CFAP77: variants seen among roughly 807,000 people sequenced by gnomAD.
CFAP77 encodes cilia- and flagella-associated protein 77.
Under a neutral mutation model 31.1 loss-of-function variants are expected in CFAP77, and 25 were observed. The ratio of observed to expected loss-of-function variants is 0.80; its 90% CI spans 0.59 to 1.12. The LOEUF (loss-of-function observed/expected upper bound fraction) is 1.12. Ranked by LOEUF, CFAP77 falls within the 50% of genes most tolerant of loss-of-function variation. The probability of loss-of-function intolerance (pLI) is 0.00; values close to 1 mark genes in which losing one functional copy is unlikely to be tolerated. For synonymous variants in CFAP77, 151 were observed against 159.9 expected, an observed-to-expected ratio of 0.94 and a Z score of 0.42; for missense variants, 377 against 397.3, an observed-to-expected ratio of 0.95 and a Z score of 0.44.
intron 1 of CFAP77, among the ~76,000 whole-genome samples, chr9:132,413,774 G>T (rs968942270): frequency 5.3e-5 from 8 of 152,144 alleles, no homozygotes; most frequent in African/African-American, 1.9e-4. Context: ...TATGTACGGG[G>T]GTGGAATTTA....
rs541053265 is a variant in CFAP77, at chr9:132,517,235, C to T, written c.524+17635C>T. ...CCTCAGAGGCCACCATCCGCCCCTC[C>T]GTCCCTTCTCAGCTGCGAGGGTGCC... is the stretch of plus-strand genomic sequence containing the variant. On this transcript the variant is annotated intron_variant, in intron 3 of 5. Transcript: ENST00000393216. This position sits in a 1 kb window ranked among gnomAD's most constrained non-coding sequence, Gnocchi z 4.7. 4.1e-4 allele frequency among the ~76,000 whole-genome samples: 63 copies of T among 152,290 alleles called. No individual in the cohort carries two copies. Among genetic ancestry groups the T allele is most frequent in the African/African-American group, 1.3e-3 (54 of 41,558 alleles).
intron 3 of CFAP77, among the ~76,000 whole-genome samples, chr9:132,500,149 C>T (rs1208376046): frequency 1.4e-5 from 2 of 140,028 alleles, no homozygotes; most frequent in African/African-American, 2.8e-5. Flanking sequence ...GAGACCCTGT[C>T]TCCAAAAAAA....
chr9:132,491,822 C>T (rs922141664), intron 1 of CFAP77, among the ~76,000 whole-genome samples: 8 of 152,018 alleles, frequency 5.3e-5, no homozygotes, highest in African/African-American at 1.7e-4. Flanking sequence ...CAGACTGTGC[C>T]GTAGGAACTG....
chr9:132,569,640 G>A (rs953221917), intron 5 of CFAP77, among the ~76,000 whole-genome samples: 1 of 151,724 alleles, frequency 6.6e-6, no homozygotes, highest in African/African-American at 2.4e-5. Flanking sequence ...GGTGCCTCAG[G>A]TCCAAGCCGG....
In CFAP77 at chr9:132,498,703, C is replaced by G. The variant is rs372413633; in HGVS notation, c.204C>G (p.Leu68=). The part of the protein sequence containing the change: ...FQNPLIVKAE[L]GKPRERSYSL... The stretch of plus-strand genomic sequence containing the variant: ...TGTCCTTCCCCCGACAGGCTGAACT[C>G]GGCAAGCCCCGGGAAAGAAGCTACA... Residue 68 remains leucine, a synonymous_variant, in exon 2 of 6, where the codon CTC becomes CTG. Transcript: ENST00000393216. This position sits in a 1 kb window ranked among gnomAD's most constrained non-coding sequence, Gnocchi z 4.2. 9.3e-6 allele frequency: 15 copies of G among 1,610,620 alleles called. No homozygotes were observed. The highest frequency in any genetic ancestry group is 1.1e-5 in the Non-Finnish European group (13 of 1,178,230).
intron 4 of CFAP77, among the ~76,000 whole-genome samples, chr9:132,540,378 C>T (rs1274111861): frequency 6.6e-6 from 1 of 152,192 alleles, no homozygotes; most frequent in Admixed American, 6.5e-5. Flanking sequence ...ACCAGCTCTG[C>T]ATGTGTGGCT....
chr9:132,498,721 A>C lies in CFAP77; in HGVS notation c.222A>C (p.Arg74Ser), dbSNP rs759805373. 1.9e-6 allele frequency: 3 copies of C among 1,612,504 alleles called. No homozygotes were observed. Among genetic ancestry groups the C allele is most frequent in the East Asian group, 2.2e-5 (1 of 44,876 alleles). The change falls in exon 2 of 6, where the codon AGA becomes AGC. Residue 74 changes from arginine (R) to serine (S), a missense_variant. Physicochemically the swap from Arg to Ser is moderately radical, Grantham distance 110. Coordinates refer to ENST00000393216, the MANE Select transcript of CFAP77 (RefSeq NM_001282957.2). The surrounding 1 kb of genome is among the most constrained non-coding windows in gnomAD (Gnocchi z 4.2). Reference sequence around the variant, plus strand: ...CTGAACTCGGCAAGCCCCGGGAAAGAAGCTACAGTCTGCCCGGCATTAATT... The same window carrying C: ...CTGAACTCGGCAAGCCCCGGGAAAGCAGCTACAGTCTGCCCGGCATTAATT... The part of the protein sequence containing the change: ...VKAELGKPRE[R>S]SYSLPGINFN...
At chr9:132,462,862 C>T (rs1051609698) in intron 1 of CFAP77, among the ~76,000 whole-genome samples, 1 of 152,114 alleles carries the variant, frequency 6.6e-6, no homozygotes, top group African/African-American at 2.4e-5. Flanking sequence ...TATATACATG[C>T]ACTTTGTATG....
intron 1 of CFAP77, among the ~76,000 whole-genome samples, chr9:132,441,039 T>C (rs1355767568): frequency 1.3e-5 from 2 of 152,204 alleles, no homozygotes; most frequent in Non-Finnish European, 2.9e-5. Flanking sequence ...CACCCTTCTC[T>C]CCTTGCCTCT....
At chr9:132,429,789 GA>G (rs1427027880) in intron 1 of CFAP77, among the ~76,000 whole-genome samples, 2 of 152,052 alleles carry the variant, frequency 1.3e-5, no homozygotes, top group African/African-American at 4.8e-5. Flanking sequence ...CCGGGAGGTG[GA>G]CAGTGAGCTG....
chr9:132,564,394 C>T lies in CFAP77; in HGVS notation c.733-7994C>T, dbSNP rs1022381245. 1.3e-5 allele frequency among the ~76,000 whole-genome samples: 2 copies of T among 152,168 alleles called. No individual in the cohort carries two copies. The highest frequency in any genetic ancestry group is 4.8e-5 in the African/African-American group (2 of 41,420). On this transcript the variant is annotated intron_variant, in intron 5 of 5. Coordinates refer to ENST00000393216, the MANE Select transcript of CFAP77 (RefSeq NM_001282957.2). This position sits in a 1 kb window ranked among gnomAD's most constrained non-coding sequence, Gnocchi z 4.6. ...CAAAAGGTCTGACTTGTGAGGATTA[C>T]TTCAGCACCAAAGAAATTGAATTAG... is the stretch of plus-strand genomic sequence containing the variant.
At position 132,521,515 on chromosome 9, in the gene CFAP77, C is replaced by T. The variant is rs549949543; in HGVS notation, c.525-16086C>T. On this transcript the variant is annotated intron_variant, in intron 3 of 5. Transcript: ENST00000393216. ...CTGGTGGGAAAGGTGGACCCTGAGC[C>T]GACTATTATAAAGAACTTCAAACAC... 3.9e-5 allele frequency among the ~76,000 whole-genome samples: 6 copies of T among 152,212 alleles called. No homozygotes were observed. The East Asian group carries it at 5.8e-4, about 15-fold the overall frequency.
At chr9:132,551,468 G>A (rs987331245) in intron 5 of CFAP77, among the ~76,000 whole-genome samples, 1 of 152,116 alleles carries the variant, frequency 6.6e-6, no homozygotes, top group Non-Finnish European at 1.5e-5. Flanking sequence ...GCTAATTTTT[G>A]TATTTTTAGT....
intron 1 of CFAP77, among the ~76,000 whole-genome samples, chr9:132,413,611 T>C (rs1850047643): frequency 6.6e-6 from 1 of 152,186 alleles, no homozygotes; most frequent in Non-Finnish European, 1.5e-5. Context: ...CCTGCTACAA[T>C]AGCCTTCAAG....
intron 3 of CFAP77, among the ~76,000 whole-genome samples, chr9:132,523,088 C>CTT (rs767708460): frequency 1.6e-5 from 2 of 125,264 alleles, no homozygotes; most frequent in South Asian, 2.7e-4. Flanking sequence ...TTTCTTCTTT[C>CTT]TTTTTTTTTT....
Position 132,499,708 on chromosome 9 carries a change from C to A in CFAP77, c.524+108C>A. 1 of 938,458 alleles carries A rather than the reference C, an allele frequency of 1.1e-6. No homozygotes were observed. Among genetic ancestry groups the A allele is most frequent in the Non-Finnish European group, 1.7e-6 (1 of 597,494 alleles). The allele number at this position is 938,458 out of a possible 1,614,324, so 58.1% of individuals were successfully genotyped here. ...GGGAAGTGGAGCATCCTCCCAGCCCCACTGTCCTCTCTTCAATGACTCTCT... is the reference window on the plus strand; with the variant it reads ...GGGAAGTGGAGCATCCTCCCAGCCCAACTGTCCTCTCTTCAATGACTCTCT... On this transcript the variant is annotated intron_variant, in intron 3 of 5. Coordinates refer to ENST00000393216, the MANE Select transcript of CFAP77 (RefSeq NM_001282957.2). This position sits in a 1 kb window ranked among gnomAD's most constrained non-coding sequence, Gnocchi z 5.4.
At chr9:132,435,996 G>A (rs1850498477) in intron 1 of CFAP77, among the ~76,000 whole-genome samples, 1 of 152,180 alleles carries the variant, frequency 6.6e-6, no homozygotes, top group Non-Finnish European at 1.5e-5. Context: ...ATCGGCAGCA[G>A]GTGCGCATTC....
intron 1 of CFAP77, among the ~76,000 whole-genome samples, chr9:132,449,114 G>A (rs1850777056): frequency 6.6e-6 from 1 of 152,132 alleles, no homozygotes. Flanking sequence ...TTTCCTTTAT[G>A]GTTCATGAAA....
At chr9:132,485,985 C>CATATATATATATATATATAT (rs61265124) in intron 1 of CFAP77, among the ~76,000 whole-genome samples, 2 of 53,572 alleles carry the variant, frequency 3.7e-5, no homozygotes, top group Non-Finnish European at 6.7e-5. Flanking sequence ...ACACACACCT[C>CATATATATATATATATATAT]ATATATATAT....
Sources: gnomAD v4.1 joint callset for allele counts (sites outside exome capture counted in the v4.1 genomes callset) on GRCh38, gnomAD v4.1.1 for gene constraint, Gnocchi (gnomAD v3.1) non-coding constraint, MANE v1.5 for transcripts, NCBI Gene and HGNC (gene_info 2026-07-23, HGNC 2026-07-21) for gene names.